The following TMEM117 variants were observed in gnomAD, a reference collection of about 807,000 sequenced individuals.
The protein encoded by TMEM117 is transmembrane protein 117.
Under a neutral mutation model 52.4 loss-of-function variants are expected in TMEM117, and 27 were observed. The observed-to-expected ratio is 0.51, with a 90% CI of 0.38 to 0.71. The LOEUF is 0.71. Ranked by LOEUF, TMEM117 falls within the 30% of genes least tolerant of loss-of-function variation. The pLI, the probability that TMEM117 is intolerant of heterozygous loss-of-function variation, is 0.00. For missense variants in TMEM117, 556 were observed against 630.5 expected (o/e 0.88, Z 1.26); for synonymous variants, 215 against 206.3 (o/e 1.04, Z -0.36).
intron 6 of TMEM117, among the ~76,000 whole-genome samples, chr12:44,354,686 T>G (rs1951619611): frequency 6.6e-6 from 1 of 151,870 alleles, no homozygotes; most frequent in African/African-American, 2.4e-5. Context: ...ATAAGAGCTA[T>G]CTATGACAAA....
At chr12:44,124,964 G>C (rs116698593) in intron 3 of TMEM117, among the ~76,000 whole-genome samples, 7,999 of 152,202 alleles carry the variant, frequency 0.053, 625 homozygotes, top group African/African-American at 0.17. Flanking sequence ...AAATTTTTGG[G>C]AACAGTTTTA....
At chr12:44,336,546 C>T (rs953709127) in intron 6 of TMEM117, among the ~76,000 whole-genome samples, 4 of 151,880 alleles carry the variant, frequency 2.6e-5, no homozygotes, top group African/African-American at 9.7e-5. Flanking sequence ...GCTTTTATGA[C>T]ATTTTACTGA....
intron 5 of TMEM117, among the ~76,000 whole-genome samples, chr12:44,232,347 C>T (rs1017257225): frequency 1.3e-5 from 2 of 151,330 alleles, no homozygotes; most frequent in South Asian, 4.1e-4. Flanking sequence ...AACCATTGTC[C>T]CACAACCATT....
At chr12:44,086,494 C>T (rs777833053) in intron 3 of TMEM117, among the ~76,000 whole-genome samples, 4 of 152,106 alleles carry the variant, frequency 2.6e-5, no homozygotes, top group East Asian at 1.9e-4. Flanking sequence ...GGATTACAGG[C>T]GTGAGCTACT....
At chr12:43,974,103 C>T (rs2137699941) in intron 3 of TMEM117, among the ~76,000 whole-genome samples, 1 of 152,268 alleles carries the variant, frequency 6.6e-6, no homozygotes, top group East Asian at 1.9e-4. Flanking sequence ...CTATACCCTT[C>T]AGTGATTTGA....
At chr12:44,212,902 T>C (rs1185853973) in intron 5 of TMEM117, among the ~76,000 whole-genome samples, 1 of 152,166 alleles carries the variant, frequency 6.6e-6, no homozygotes, top group Non-Finnish European at 1.5e-5. Context: ...TCATTAAATG[T>C]TGCTGGAGAT....
chr12:44,084,407 T>C (rs1471613382), intron 3 of TMEM117, among the ~76,000 whole-genome samples: 1 of 152,136 alleles, frequency 6.6e-6, no homozygotes, highest in African/African-American at 2.4e-5. Context: ...CCATTATCAA[T>C]ATAACATACT....
In TMEM117 at chr12:44,376,649, C is replaced by G; in HGVS notation, c.823C>G (p.His275Asp). Residue 275 changes from histidine (H) to aspartate (D), a missense_variant, in exon 7 of 8, where the codon CAC becomes GAC. By Grantham distance (81) the His-to-Asp change is moderately conservative (BLOSUM62 -1). Coordinates refer to ENST00000266534, the MANE Select transcript of TMEM117 (RefSeq NM_032256.3). ...TGTTGATGTAAATCTCCCTGGTTTGCACACCCCTCACATGCAGTTCAAGAT... is the reference window on the plus strand; with the variant it reads ...TGTTGATGTAAATCTCCCTGGTTTGGACACCCCTCACATGCAGTTCAAGAT... ...GDVDVNLPGL[H>D]TPHMQFKIPF... 1 of 1,612,070 alleles carries G rather than the reference C, an allele frequency of 6.2e-7. No individual in the cohort carries two copies. Among genetic ancestry groups the G allele is most frequent in the South Asian group, 1.1e-5 (1 of 90,562 alleles).
intron 3 of TMEM117, among the ~76,000 whole-genome samples, chr12:44,023,278 TA>T (rs1271399246): frequency 1.3e-5 from 2 of 152,232 alleles, no homozygotes; most frequent in Non-Finnish European, 2.9e-5. Context: ...AGTGCCGCAA[TA>T]AACATACGTG....
chr12:43,972,273 C>T (rs1945600036), intron 3 of TMEM117, among the ~76,000 whole-genome samples: 1 of 152,230 alleles, frequency 6.6e-6, no homozygotes, highest in African/African-American at 2.4e-5. Flanking sequence ...CCATGGGAAT[C>T]TCATCTCTTA....
chr12:43,964,396 T>G (rs775397027), intron 3 of TMEM117, among the ~76,000 whole-genome samples: 1 of 152,134 alleles, frequency 6.6e-6, no homozygotes, highest in Non-Finnish European at 1.5e-5. Flanking sequence ...TAGAAAGGGA[T>G]TATATACTTC....
At chr12:44,243,372 A>T (rs1276443803) in intron 5 of TMEM117, among the ~76,000 whole-genome samples, 2 of 151,942 alleles carry the variant, frequency 1.3e-5, no homozygotes, top group East Asian at 3.9e-4. Context: ...CAACAGACTC[A>T]ATTAGAAAGC....
At chr12:43,804,272 C>A in the TMEM117 span, 1 of 529,042 alleles carries the variant, frequency 1.9e-6, no homozygotes, top group Admixed American at 2.6e-5. Context: ...AGGAAGAAGT[C>A]ACATCAAAAA....
At chr12:44,316,314 C>T (rs1297998421) in intron 6 of TMEM117, among the ~76,000 whole-genome samples, 1 of 151,958 alleles carries the variant, frequency 6.6e-6, no homozygotes, top group East Asian at 1.9e-4. Flanking sequence ...GTCTGGAAAA[C>T]ATTGTATTTT....
intron 6 of TMEM117, among the ~76,000 whole-genome samples, chr12:44,317,135 G>GC (rs1951066084): frequency 6.7e-6 from 1 of 149,368 alleles, no homozygotes; most frequent in African/African-American, 2.5e-5. Flanking sequence ...GAGATCTAGT[G>GC]TGATCCTTTG....
chr12:43,960,061 G>C (rs1275678445), intron 3 of TMEM117, among the ~76,000 whole-genome samples: 1 of 152,196 alleles, frequency 6.6e-6, no homozygotes, highest in Non-Finnish European at 1.5e-5. Context: ...GCTCATACAA[G>C]GCTGGATGCA....
chr12:44,053,771 G>A (rs1307568721), intron 3 of TMEM117, among the ~76,000 whole-genome samples: 9 of 152,140 alleles, frequency 5.9e-5, no homozygotes, highest in African/African-American at 2.2e-4. Flanking sequence ...TCGGGACAAA[G>A]GCCAAATGTA....
At chr12:44,197,299 C>A (rs1054279506) in intron 4 of TMEM117, among the ~76,000 whole-genome samples, 2 of 152,094 alleles carry the variant, frequency 1.3e-5, no homozygotes, top group African/African-American at 4.8e-5. Flanking sequence ...AGCTCTCCAT[C>A]CCTGTATACA....
chr12:44,228,652 A>C (rs1379687910), intron 5 of TMEM117, among the ~76,000 whole-genome samples: 1 of 152,164 alleles, frequency 6.6e-6, no homozygotes, highest in African/African-American at 2.4e-5. Context: ...AATGACTGGA[A>C]GGAATGAGCC....
Sources: allele counts gnomAD v4.1 joint callset (sites outside exome capture counted in the v4.1 genomes callset), GRCh38; gene constraint gnomAD v4.1.1; transcripts MANE v1.5; gene names NCBI Gene and HGNC (gene_info 2026-07-23, HGNC 2026-07-21).